The following DLGAP2 variants were observed in gnomAD, a reference collection of about 807,000 sequenced individuals.
The protein encoded by DLGAP2 is DLG associated protein 2, also known as disks large-associated protein 2.
A neutral mutation model predicts 100.3 loss-of-function variants in DLGAP2; 26 were observed. The observed-to-expected ratio is 0.26, with a 90% CI of 0.19 to 0.36. The LOEUF (loss-of-function observed/expected upper bound fraction) is 0.36. Among genes scored for constraint, DLGAP2 ranks in the 10% least tolerant of loss-of-function variants. The probability of loss-of-function intolerance (pLI) is 1.00; values close to 1 mark genes in which losing one functional copy is unlikely to be tolerated. For missense variants in DLGAP2, 1,858 were observed against 1,453.2 expected (o/e 1.28, Z -4.53); for synonymous variants, 886 against 630.1 (o/e 1.41, Z -6.08).
At chr8:1,154,309 A>T (rs1040169602) in intron 2 of DLGAP2, among the ~76,000 whole-genome samples, 1 of 152,156 alleles carries the variant, frequency 6.6e-6, no homozygotes, top group South Asian at 2.1e-4. Flanking sequence ...AGTTTGTGAG[A>T]TCCCCCAGCA....
At chr8:1,211,735 C>G (rs560671609) in intron 2 of DLGAP2, among the ~76,000 whole-genome samples, 1 of 152,130 alleles carries the variant, frequency 6.6e-6, no homozygotes, top group African/African-American at 2.4e-5. Flanking sequence ...ATTAGCCAGG[C>G]GTGGTAGCCC....
intron 2 of DLGAP2, among the ~76,000 whole-genome samples, chr8:1,232,120 G>C (rs1463255620): frequency 6.6e-6 from 1 of 152,184 alleles, no homozygotes; most frequent in East Asian, 1.9e-4. Flanking sequence ...ATGGTTATTT[G>C]AGGAGCTCTC....
At chr8:1,467,245 C>A (rs1326294370) in intron 3 of DLGAP2, among the ~76,000 whole-genome samples, 1 of 149,812 alleles carries the variant, frequency 6.7e-6, no homozygotes, top group Non-Finnish European at 1.5e-5. Flanking sequence ...GTGTCCTTCA[C>A]CACGGTCCCT....
At chr8:1,421,584 T>C (rs1043463596) in intron 3 of DLGAP2, among the ~76,000 whole-genome samples, 11 of 152,202 alleles carry the variant, frequency 7.2e-5, no homozygotes, top group Non-Finnish European at 5.9e-5. Context: ...AAAGTTATAT[T>C]TTCATATATT....
chr8:1,457,578 G>A (rs115146821), intron 3 of DLGAP2, among the ~76,000 whole-genome samples: 28 of 152,210 alleles, frequency 1.8e-4, no homozygotes, highest in African/African-American at 6.3e-4. Flanking sequence ...ATGGTTCTTC[G>A]CAAACCAGCT....
At chr8:1,467,651 C>G (rs1663517004) in intron 3 of DLGAP2, among the ~76,000 whole-genome samples, 1 of 152,176 alleles carries the variant, frequency 6.6e-6, no homozygotes, top group Non-Finnish European at 1.5e-5. Flanking sequence ...TTCCCATAAG[C>G]CTGCACATTT....
At chr8:1,557,763 C>T (rs1232698210) in intron 5 of DLGAP2, among the ~76,000 whole-genome samples, 1 of 152,190 alleles carries the variant, frequency 6.6e-6, no homozygotes, top group Non-Finnish European at 1.5e-5. Flanking sequence ...ATAGGGTTGC[C>T]CCCTCTCTGT....
At chr8:997,533 C>T (rs1046745904) in intron 2 of DLGAP2, among the ~76,000 whole-genome samples, 1 of 152,122 alleles carries the variant, frequency 6.6e-6, no homozygotes, top group Non-Finnish European at 1.5e-5. Context: ...AATGTAGAAG[C>T]ACTTCATTAA....
intron 3 of DLGAP2, among the ~76,000 whole-genome samples, chr8:1,434,427 C>G (rs1265586172): frequency 6.6e-6 from 1 of 152,138 alleles, no homozygotes; most frequent in Non-Finnish European, 1.5e-5. Flanking sequence ...CATCCTGCCA[C>G]ACCCACCACT....
chr8:1,321,493 A>T (rs1225512106), intron 3 of DLGAP2, among the ~76,000 whole-genome samples: 1 of 152,206 alleles, frequency 6.6e-6, no homozygotes, highest in East Asian at 1.9e-4. Context: ...ATGGTCCGTG[A>T]CCACCATGCT....
rs17754574 is a variant in DLGAP2 at position 1,343,123 on chromosome 8, G to T, written c.106+84240G>T. ...GATGGTGCTTAATTATTCACCAAGCGTGCAGAAGTCCCCAAGACCACCTGG... is the reference window on the plus strand; with the variant it reads ...GATGGTGCTTAATTATTCACCAAGCTTGCAGAAGTCCCCAAGACCACCTGG... On this transcript the variant is annotated intron_variant, in intron 3 of 14. Coordinates refer to ENST00000637795, the MANE Select transcript of DLGAP2 (RefSeq NM_001346810.2). Among the ~76,000 whole-genome samples the T allele has an allele frequency of 2.9e-4, 44 of 152,238 alleles. No individual in the cohort carries two copies. In the South Asian group the frequency reaches 8.1e-3, roughly 28 times the overall value.
intron 3 of DLGAP2, 38 bp from the exon 4 acceptor site, chr8:1,501,328 A>G (rs1006832556): frequency 6.5e-7 from 1 of 1,535,238 alleles, no homozygotes; most frequent in Non-Finnish European, 8.7e-7. Flanking sequence ...TCTACACCAG[A>G]AACGCATTAA....
chr8:1,453,164 C>A (rs918227780), intron 3 of DLGAP2, among the ~76,000 whole-genome samples: 6 of 151,964 alleles, frequency 3.9e-5, no homozygotes, highest in Non-Finnish European at 7.4e-5. Context: ...GCGCGCTGGG[C>A]AGAGGGCTGG....
intron 8 of DLGAP2, among the ~76,000 whole-genome samples, chr8:1,639,963 T>C (rs534595028): frequency 5.5e-4 from 84 of 152,310 alleles, no homozygotes; most frequent in Admixed American, 1.2e-3. Context: ...ATCTGCAAAG[T>C]CCCTTTTGCC....
chr8:1,648,833 G>T (rs917369393), intron 8 of DLGAP2, among the ~76,000 whole-genome samples: 1 of 152,184 alleles, frequency 6.6e-6, no homozygotes, highest in African/African-American at 2.4e-5. Flanking sequence ...AGGATATCGT[G>T]GGGTTGGCTT....
At chr8:962,301 G>A (rs1178052738) in intron 2 of DLGAP2, among the ~76,000 whole-genome samples, 2 of 152,168 alleles carry the variant, frequency 1.3e-5, no homozygotes, top group African/African-American at 4.8e-5. Context: ...TTCTTCCCCT[G>A]GCCCTAGAAA....
At chr8:1,242,865 T>C (rs949531173) in intron 2 of DLGAP2, among the ~76,000 whole-genome samples, 1 of 151,600 alleles carries the variant, frequency 6.6e-6, no homozygotes, top group Non-Finnish European at 1.5e-5. Flanking sequence ...GATGGACGGA[T>C]GTGTGGATGG....
chr8:1,518,693 T>C (rs899264988), intron 4 of DLGAP2, among the ~76,000 whole-genome samples: 3 of 152,208 alleles, frequency 2.0e-5, no homozygotes, highest in Admixed American at 1.3e-4. Context: ...GAGTAAATTA[T>C]GGAGTCTTTG....
chr8:1,060,108 T>C (rs1803031101), intron 2 of DLGAP2, among the ~76,000 whole-genome samples: 1 of 152,090 alleles, frequency 6.6e-6, no homozygotes, highest in Non-Finnish European at 1.5e-5. Flanking sequence ...GTTCCCAGGG[T>C]CAGATGTGAA....
Sources: gnomAD v4.1 joint callset for allele counts (sites outside exome capture counted in the v4.1 genomes callset) on GRCh38, gnomAD v4.1.1 for gene constraint, MANE v1.5 for transcripts, NCBI Gene and HGNC (gene_info 2026-07-23, HGNC 2026-07-21) for gene names.